The following MEIKIN variants were observed in gnomAD, a reference collection of about 807,000 sequenced individuals.
MEIKIN encodes meiosis-specific kinetochore protein.
chr5:131,913,309 T>C lies in MEIKIN; in HGVS notation c.639-1430A>G, dbSNP rs141604757. Among the ~76,000 whole-genome samples the C allele has an allele frequency of 1.9e-4, 29 of 152,368 alleles. No individual in the cohort carries two copies. The East Asian group carries it at 4.8e-3, about 25-fold the overall frequency. ...AATTAGCCCCCTTCTATGGAATCCA[T>C]ATTTGGCCTATTGGCATTATGCACA... is the stretch of plus-strand genomic sequence containing the variant. On this transcript the variant is annotated intron_variant, in intron 7 of 12. Transcript: ENST00000442687.
chr5:131,822,739 T>G (rs1352711024), intron 11 of MEIKIN, among the ~76,000 whole-genome samples: 1 of 152,198 alleles, frequency 6.6e-6, no homozygotes, highest in Non-Finnish European at 1.5e-5. Flanking sequence ...TGTTATACTA[T>G]TCTGTTTTTC....
rs994512943 is a variant in MEIKIN at position 131,821,960 on chromosome 5, T to G, written c.976-3097A>C. ...GCTCTACTAATATTTGCTTTATATATCTGGGTGCTCCAGTGTTAGGTGCAC... is the reference window on the plus strand; with the variant it reads ...GCTCTACTAATATTTGCTTTATATAGCTGGGTGCTCCAGTGTTAGGTGCAC... On this transcript the variant is annotated intron_variant, in intron 11 of 12. Coordinates refer to ENST00000442687, the MANE Select transcript of MEIKIN (RefSeq NM_001303622.2). Among the ~76,000 whole-genome samples the G allele has an allele frequency of 3.3e-5, 5 of 152,272 alleles. No homozygotes were observed. In the East Asian group the frequency reaches 9.7e-4, roughly 29 times the overall value.
chr5:131,881,329 T>C (rs1750700380), intron 8 of MEIKIN, among the ~76,000 whole-genome samples: 1 of 152,052 alleles, frequency 6.6e-6, no homozygotes, highest in Non-Finnish European at 1.5e-5. Context: ...CTTAAAACAC[T>C]CTCCTCTCCT....
intron 8 of MEIKIN, among the ~76,000 whole-genome samples, chr5:131,900,783 G>A (rs1391239905): frequency 6.6e-6 from 1 of 152,104 alleles, no homozygotes; most frequent in East Asian, 1.9e-4. Flanking sequence ...TGCCTCCTGG[G>A]AGAGCAGCAT....
intron 11 of MEIKIN, among the ~76,000 whole-genome samples, chr5:131,850,723 TGAA>T (rs1561732340): frequency 6.6e-6 from 1 of 151,732 alleles, no homozygotes; most frequent in Non-Finnish European, 1.5e-5. Flanking sequence ...AAAAAAAAAT[TGAA>T]GAAAATACAG....
rs145351724 is a variant in MEIKIN at position 131,817,573 on chromosome 5, G to A, written c.1099+1167C>T. On this transcript the variant is annotated intron_variant, in intron 12 of 12. Coordinates refer to ENST00000442687, the MANE Select transcript of MEIKIN (RefSeq NM_001303622.2). ...GGAGCTTGCAGTGAACTGAGATTGC[G>A]CCACTGCACTCCAGCCTGGGTGACA... Among the ~76,000 whole-genome samples, 643 of 149,958 alleles carry A rather than the reference G, an allele frequency of 4.3e-3. 6 individuals are homozygous for A. The highest frequency in any genetic ancestry group is 0.015 in the African/African-American group (623 of 40,730).
intron 4 of MEIKIN, among the ~76,000 whole-genome samples, chr5:131,935,067 A>AG (rs1554108512): frequency 5.9e-5 from 9 of 151,690 alleles, no homozygotes; most frequent in Admixed American, 6.6e-5. Flanking sequence ...CCAAAAAAAA[A>AG]GAAAAAAGAA....
rs116212867 is a variant in MEIKIN, at chr5:131,864,076, G to C, written c.775-9242C>G. ...TCTTTACAGATAAAGTGCATTTCTT[G>C]TAGGCAGCATATAGTTGAATCATGT... On this transcript the variant is annotated intron_variant, in intron 9 of 12. Transcript: ENST00000442687. 5.0e-3 allele frequency among the ~76,000 whole-genome samples: 767 copies of C among 152,174 alleles called. 11 individuals are homozygous for C. The highest frequency in any genetic ancestry group is 0.018 in the African/African-American group (735 of 41,520).
intron 11 of MEIKIN, among the ~76,000 whole-genome samples, chr5:131,839,682 T>C (rs1749870077): frequency 6.6e-6 from 1 of 152,230 alleles, no homozygotes. Flanking sequence ...CACGCTTTTT[T>C]CTGTTTTCCA....
At chr5:131,807,911 T>A (rs1019413080) in intron 12 of MEIKIN, among the ~76,000 whole-genome samples, 7 of 152,196 alleles carry the variant, frequency 4.6e-5, no homozygotes, top group Non-Finnish European at 8.8e-5. Context: ...ATCTAGGCCA[T>A]CTTCCATACC....
chr5:131,904,179 T>TA (rs1257127050), intron 8 of MEIKIN, among the ~76,000 whole-genome samples: 5 of 152,158 alleles, frequency 3.3e-5, no homozygotes, highest in African/African-American at 1.2e-4. Flanking sequence ...AGCAAGTTCT[T>TA]AGAGACCTAT....
intron 11 of MEIKIN, among the ~76,000 whole-genome samples, chr5:131,848,755 T>C (rs1324148436): frequency 6.6e-6 from 1 of 152,144 alleles, no homozygotes; most frequent in Non-Finnish European, 1.5e-5. Flanking sequence ...ACTAGAACAT[T>C]GAAGAAAAAT....
At chr5:131,907,065 A>G (rs1338458099) in intron 8 of MEIKIN, among the ~76,000 whole-genome samples, 1 of 152,234 alleles carries the variant, frequency 6.6e-6, no homozygotes, top group Admixed American at 6.5e-5. Context: ...ACACATGAAA[A>G]TTAAACAATA....
intron 11 of MEIKIN, among the ~76,000 whole-genome samples, chr5:131,842,031 C>CA (rs1749924429): frequency 6.6e-6 from 1 of 151,682 alleles, no homozygotes; most frequent in Non-Finnish European, 1.5e-5. Context: ...GACAGAGTCT[C>CA]ACTCTGTCTC....
intron 4 of MEIKIN, among the ~76,000 whole-genome samples, chr5:131,937,493 TCTC>T (rs1751800748): frequency 6.6e-6 from 1 of 151,850 alleles, no homozygotes; most frequent in African/African-American, 2.4e-5. Flanking sequence ...ACAGGCCAGG[TCTC>T]CTTCCCCTGC....
At chr5:131,915,177 T>A (rs752454075) in intron 7 of MEIKIN, among the ~76,000 whole-genome samples, 2 of 152,134 alleles carry the variant, frequency 1.3e-5, no homozygotes, top group African/African-American at 4.8e-5. Context: ...ACAAAGGTTG[T>A]GGAAAGCCAC....
intron 3 of MEIKIN, among the ~76,000 whole-genome samples, chr5:131,942,993 C>T (rs1214282116): frequency 6.6e-6 from 1 of 151,892 alleles, no homozygotes; most frequent in African/African-American, 2.4e-5. Context: ...TTCTGGTTCC[C>T]TAGTGGGGAG....
At chr5:131,834,909 A>G (rs1290771194) in intron 11 of MEIKIN, among the ~76,000 whole-genome samples, 1 of 151,918 alleles carries the variant, frequency 6.6e-6, no homozygotes, top group Non-Finnish European at 1.5e-5. Flanking sequence ...ATTTAAATTC[A>G]TATCAGCAGT....
At chr5:131,825,374 C>T (rs1749593562) in intron 11 of MEIKIN, among the ~76,000 whole-genome samples, 1 of 152,120 alleles carries the variant, frequency 6.6e-6, no homozygotes, top group South Asian at 2.1e-4. Context: ...AGCTGTTATA[C>T]TCAGGGTTAC....
Sources: gnomAD v4.1 joint callset for allele counts (sites outside exome capture counted in the v4.1 genomes callset) on GRCh38, gnomAD v4.1.1 for gene constraint, MANE v1.5 for transcripts, NCBI Gene and HGNC (gene_info 2026-07-23, HGNC 2026-07-21) for gene names.